PTK2: variants seen among roughly 807,000 people sequenced by gnomAD.
PTK2 encodes focal adhesion kinase 1.
PTK2 carries 45 observed loss-of-function variants against 150.1 expected under a neutral mutation model. The ratio of observed to expected loss-of-function variants is 0.30; its 90% CI spans 0.24 to 0.38. The LOEUF (loss-of-function observed/expected upper bound fraction) is 0.38. PTK2 is among the 10% of genes least tolerant of loss of function. The pLI is 1.00. For missense variants in PTK2, 919 were observed against 1,307.3 expected, an observed-to-expected ratio of 0.70 and a Z score of 4.58; for synonymous variants, 432 against 449.2, an observed-to-expected ratio of 0.96 and a Z score of 0.48.
chr8:140,746,008 AAAAAAG>A (rs2100058509), intron 18 of PTK2, among the ~76,000 whole-genome samples: 1 of 151,706 alleles, frequency 6.6e-6, no homozygotes, highest in Non-Finnish European at 1.5e-5. Flanking sequence ...TCAAAAAAAA[AAAAAAG>A]AAAAAAGAAA....
At chr8:140,686,344 T>G (rs2100019810) in intron 27 of PTK2, among the ~76,000 whole-genome samples, 1 of 152,010 alleles carries the variant, frequency 6.6e-6, no homozygotes, top group African/African-American at 2.4e-5. Context: ...TAACAAACCC[T>G]TGCAACATGC....
At chr8:140,878,603 A>T (rs1385586952) in intron 4 of PTK2, among the ~76,000 whole-genome samples, 2 of 152,126 alleles carry the variant, frequency 1.3e-5, no homozygotes, top group African/African-American at 2.4e-5. Context: ...CAAAAAAGAA[A>T]AAAAAAAAAT....
chr8:140,696,684 A>G (rs1419362383), intron 26 of PTK2, among the ~76,000 whole-genome samples: 1 of 152,216 alleles, frequency 6.6e-6, no homozygotes, highest in East Asian at 1.9e-4. Context: ...CAGACACAGC[A>G]GCATGAGAAA....
chr8:140,976,514 A>T (rs2100189304), intron 1 of PTK2, among the ~76,000 whole-genome samples: 3 of 152,362 alleles, frequency 2.0e-5, no homozygotes, highest in Admixed American at 2.0e-4. Flanking sequence ...AAACAGCTTA[A>T]TTAACAAATG....
chr8:140,690,204 G>A (rs1436319424), intron 26 of PTK2, among the ~76,000 whole-genome samples: 2 of 152,020 alleles, frequency 1.3e-5, no homozygotes, highest in African/African-American at 2.4e-5. Flanking sequence ...TGCCCGCCTC[G>A]GCCTCCCAAA....
chr8:140,840,548 G>C (rs1479491957), intron 7 of PTK2, among the ~76,000 whole-genome samples: 1 of 152,028 alleles, frequency 6.6e-6, no homozygotes, highest in Non-Finnish European at 1.5e-5. Flanking sequence ...TTTAAGAGAG[G>C]GTTAGATAAG....
intron 22 of PTK2, among the ~76,000 whole-genome samples, chr8:140,726,601 C>T (rs2100045979): frequency 6.6e-6 from 1 of 151,764 alleles, no homozygotes; most frequent in South Asian, 2.1e-4. Flanking sequence ...AAAAGAACAT[C>T]TTTAAGGTGC....
chr8:140,863,863 A>T (rs7009176), intron 5 of PTK2, among the ~76,000 whole-genome samples: 257 of 152,332 alleles, frequency 1.7e-3, no homozygotes, highest in African/African-American at 5.8e-3. Flanking sequence ...TGACAAAATT[A>T]TATGTACAAA....
chr8:140,789,972 A>C (rs2100087502), intron 13 of PTK2, among the ~76,000 whole-genome samples: 1 of 152,232 alleles, frequency 6.6e-6, no homozygotes, highest in Admixed American at 6.5e-5. Context: ...CACATAAAAA[A>C]TTATCAAGCA....
At chr8:140,783,980 T>G (rs748489891) in intron 14 of PTK2, among the ~76,000 whole-genome samples, 1 of 152,022 alleles carries the variant, frequency 6.6e-6, no homozygotes, top group Non-Finnish European at 1.5e-5. Context: ...CTGGCCAACG[T>G]TGTGAAACCC....
At position 140,918,370 on chromosome 8, in the gene PTK2, C is replaced by G. The variant is rs559226568; in HGVS notation, c.-33+7291G>C. Among the ~76,000 whole-genome samples the G allele has an allele frequency of 4.5e-4, 68 of 152,258 alleles. No homozygotes were observed. In the South Asian group the frequency reaches 0.013, roughly 30 times the overall value. On this transcript the variant is annotated intron_variant, in intron 2 of 31. Coordinates refer to ENST00000522684, the Ensembl canonical transcript of PTK2. ...AAACATGAAATAAATAATGTAAAAA[C>G]TGGTATAATCAAATAACTTCCCAAA... is the stretch of plus-strand genomic sequence containing the variant.
chr8:140,766,052 T>C (rs4579574), intron 14 of PTK2, among the ~76,000 whole-genome samples: 26,444 of 152,048 alleles, frequency 0.17, 2,788 homozygotes, highest in East Asian at 0.53. Context: ...GTAAAGCACA[T>C]GAATTGGCCC....
At chr8:140,778,786 A>C (rs529233228) in intron 14 of PTK2, among the ~76,000 whole-genome samples, 53 of 152,178 alleles carry the variant, frequency 3.5e-4, no homozygotes, top group Non-Finnish European at 6.3e-4. Context: ...CAGAGAAGAC[A>C]AAAAAATGTG....
intron 26 of PTK2, among the ~76,000 whole-genome samples, chr8:140,696,210 A>G (rs1375689575): frequency 6.6e-6 from 1 of 152,174 alleles, no homozygotes; most frequent in African/African-American, 2.4e-5. Flanking sequence ...TGATGCTTAC[A>G]CTTTAGTGGA....
At chr8:140,898,072 G>A (rs1205034984) in intron 2 of PTK2, among the ~76,000 whole-genome samples, 2 of 152,290 alleles carry the variant, frequency 1.3e-5, no homozygotes, top group East Asian at 3.9e-4. Flanking sequence ...CATCTGTGAT[G>A]AAGAACCAGT....
At position 140,892,305 on chromosome 8, in the gene PTK2, C is replaced by T. The variant is rs572861662; in HGVS notation, c.-32-1536G>A. Among the ~76,000 whole-genome samples the T allele has an allele frequency of 3.2e-4, 48 of 152,260 alleles. No homozygotes were observed. In the East Asian group the frequency reaches 6.9e-3, roughly 22 times the overall value. ...ATCCCAACACTTTGGGAGGCTGAGG[C>T]AGGCAGATTGCTTGAGCCCAAAGGT... On this transcript the variant is annotated intron_variant, in intron 2 of 31. Coordinates refer to ENST00000522684, the Ensembl canonical transcript of PTK2.
At chr8:140,785,029 T>C (rs2100084105) in intron 14 of PTK2, among the ~76,000 whole-genome samples, 1 of 152,224 alleles carries the variant, frequency 6.6e-6, no homozygotes, top group Non-Finnish European at 1.5e-5. Flanking sequence ...AGCGACAAAC[T>C]GTCCTAAAGT....
At chr8:140,768,063 A>G (rs1368711031) in intron 14 of PTK2, among the ~76,000 whole-genome samples, 1 of 152,212 alleles carries the variant, frequency 6.6e-6, no homozygotes, top group Non-Finnish European at 1.5e-5. Context: ...TCTGCATTCT[A>G]TATTTAATAA....
intron 2 of PTK2, among the ~76,000 whole-genome samples, chr8:140,908,812 T>C (rs2100161972): frequency 6.6e-6 from 1 of 152,180 alleles, no homozygotes; most frequent in African/African-American, 2.4e-5. Flanking sequence ...TTGCCAGGAT[T>C]CCAGAAGCCA....
Sources: gnomAD v4.1 joint callset for allele counts (sites outside exome capture counted in the v4.1 genomes callset) on GRCh38, gnomAD v4.1.1 for gene constraint, MANE v1.5 for transcripts, NCBI Gene and HGNC (gene_info 2026-07-23, HGNC 2026-07-21) for gene names.